DRD3: variants seen among roughly 807,000 people sequenced by gnomAD.
DRD3 encodes dopamine receptor D3.
In DRD3, 19 loss-of-function variants were observed where a neutral mutation model predicts 36.3. The ratio of observed to expected loss-of-function variants is 0.52; its 90% confidence interval spans 0.36 to 0.77. The LOEUF (loss-of-function observed/expected upper bound fraction) is 0.77. Among genes scored for constraint, DRD3 ranks in the 30% least tolerant of loss-of-function variants. The probability of loss-of-function intolerance (pLI) is 0.00; values close to 1 mark genes in which losing one functional copy is unlikely to be tolerated. For synonymous variants in DRD3, 195 were observed against 203.7 expected (o/e 0.96, Z 0.36); for missense variants, 465 against 505.3 (o/e 0.92, Z 0.77).
chr3:114,193,290 GACAACA>G (rs201054154), intron 1 of DRD3, among the ~76,000 whole-genome samples: 24 of 125,616 alleles, frequency 1.9e-4, no homozygotes, highest in South Asian at 5.8e-4. Context: ...AAACAACAAC[GACAACA>G]ACAACAACAA....
chr3:114,195,105 G>T (rs913773262), intron 1 of DRD3, among the ~76,000 whole-genome samples: 1 of 152,128 alleles, frequency 6.6e-6, no homozygotes, highest in Admixed American at 6.6e-5. Flanking sequence ...TAGGCCTTTT[G>T]GGGAACAGGG....
At chr3:114,197,276 A>ATTTTTTT (rs2078042641) in intron 1 of DRD3, among the ~76,000 whole-genome samples, 1 of 131,552 alleles carries the variant, frequency 7.6e-6, no homozygotes, top group Non-Finnish European at 1.6e-5. Flanking sequence ...TAATTAAAAA[A>ATTTTTTT]ATTTTTTTTT....
intron 6 of DRD3, among the ~76,000 whole-genome samples, chr3:114,129,626 G>A (rs900714363): frequency 7.9e-5 from 12 of 152,210 alleles, no homozygotes; most frequent in African/African-American, 2.9e-4. Context: ...TGCTGTTGAG[G>A]AGATTACATC....
intron 5 of DRD3, 45 bp from the exon 6 acceptor site, chr3:114,131,445 G>T (rs1364639506): frequency 5.7e-6 from 9 of 1,577,680 alleles, no homozygotes; most frequent in African/African-American, 2.7e-5. Flanking sequence ...TGGGGGTATT[G>T]TTTATCTTCT....
intron 5 of DRD3, among the ~76,000 whole-genome samples, chr3:114,138,168 CAAAA>C (rs35536800): frequency 2.7e-5 from 2 of 74,098 alleles, no homozygotes; most frequent in Non-Finnish European, 2.6e-5. Context: ...GACTCTGTCT[CAAAA>C]AAAAAAAAAA....
At chr3:114,171,091 A>G (rs546840855) in intron 2 of DRD3, among the ~76,000 whole-genome samples, 1 of 152,326 alleles carries the variant, frequency 6.6e-6, no homozygotes, top group East Asian at 1.9e-4. Flanking sequence ...CTGCTGCACT[A>G]TCTCTCTGGC....
upstream of DRD3, among the ~76,000 whole-genome samples, chr3:114,180,340 T>C (rs1003141046): frequency 2.6e-5 from 4 of 152,166 alleles, no homozygotes; most frequent in Non-Finnish European, 5.9e-5. Context: ...GTTGAAGCCC[T>C]AACCTTAGAA....
upstream of DRD3, among the ~76,000 whole-genome samples, chr3:114,182,947 A>G (rs2077956000): frequency 6.6e-6 from 1 of 152,242 alleles, no homozygotes; most frequent in South Asian, 2.1e-4. Flanking sequence ...TGACACTGCT[A>G]TGAACATAGG....
chr3:114,196,944 TAATA>T (rs2078038160), intron 1 of DRD3, among the ~76,000 whole-genome samples: 1 of 151,734 alleles, frequency 6.6e-6, no homozygotes, highest in African/African-American at 2.4e-5. Context: ...TTTATGCACC[TAATA>T]GTCTTTTTTA....
intron 2 of DRD3, among the ~76,000 whole-genome samples, chr3:114,163,730 T>C (rs909594720): frequency 6.6e-5 from 10 of 152,176 alleles, no homozygotes; most frequent in African/African-American, 2.2e-4. Flanking sequence ...GAAACAAACC[T>C]GTTTTTGTTC....
chr3:114,135,783 G>A (rs1253147794), intron 5 of DRD3, among the ~76,000 whole-genome samples: 1 of 152,002 alleles, frequency 6.6e-6, no homozygotes, highest in African/African-American at 2.4e-5. Context: ...TTTGCTTCCT[G>A]GGTTAGAGTG....
intron 1 of DRD3, among the ~76,000 whole-genome samples, chr3:114,188,419 C>T (rs1415429350): frequency 6.6e-6 from 1 of 151,960 alleles, no homozygotes; most frequent in Non-Finnish European, 1.5e-5. Flanking sequence ...ACCATGTTGC[C>T]CAGGCTGGCC....
At chr3:114,156,740 TCTTTTTCTTTCTTTCTTTC>T (rs1197864559) in intron 3 of DRD3, among the ~76,000 whole-genome samples, 2 of 10,298 alleles carry the variant, frequency 1.9e-4, no homozygotes, top group Non-Finnish European at 4.0e-4. Flanking sequence ...TTTCTTTCTT[TCTTTTTCTTTCTTTCTTTC>T]TTTCTTTCTT....
At chr3:114,183,306 C>CT (rs1475692836), upstream of DRD3, among the ~76,000 whole-genome samples, 1 of 152,150 alleles carries the variant, frequency 6.6e-6, no homozygotes, top group African/African-American at 2.4e-5. Context: ...TGACATTTGT[C>CT]TTTTAAAATC....
At chr3:114,142,152 G>A (rs559834925) in intron 4 of DRD3, among the ~76,000 whole-genome samples, 1 of 152,234 alleles carries the variant, frequency 6.6e-6, no homozygotes, top group South Asian at 2.1e-4. Context: ...TGATGGAGTT[G>A]GGGAGAGGGA....
chr3:114,141,692 G>A (rs1472420133), intron 4 of DRD3, among the ~76,000 whole-genome samples: 1 of 152,160 alleles, frequency 6.6e-6, no homozygotes, highest in Non-Finnish European at 1.5e-5. Context: ...GTTCTCTGAA[G>A]AGGAGGTAAA....
At chr3:114,155,455 G>A (rs1255717570) in intron 3 of DRD3, among the ~76,000 whole-genome samples, 1 of 152,146 alleles carries the variant, frequency 6.6e-6, no homozygotes, top group African/African-American at 2.4e-5. Flanking sequence ...TCCTATATGG[G>A]ACAGAAGCCA....
chr3:114,147,524 C>G lies in DRD3; in HGVS notation c.417G>C (p.Gln139His), dbSNP rs1386212624. ...GACAGGAGCTCTGTCCCGTGCCATG[C>G]TGGTAGTGAACGGGCATGACCACTG... ...YTAVVMPVHY[Q>H]HGTGQSSCRR... Residue 139 changes from glutamine to histidine, a missense_variant, in exon 4 of 7, where the codon CAG (glutamine) becomes CAC (histidine). Physicochemically the swap from Gln to His is conservative, Grantham distance 24. Transcript: ENST00000383673. 1.9e-6 allele frequency: 3 copies of G among 1,613,954 alleles called. No individual in the cohort carries two copies. In the East Asian group the frequency reaches 6.7e-5, roughly 36 times the overall value.
At chr3:114,177,335 C>T (rs904376013) in intron 1 of DRD3, among the ~76,000 whole-genome samples, 4 of 152,068 alleles carry the variant, frequency 2.6e-5, no homozygotes, top group Non-Finnish European at 5.9e-5. Context: ...TGTATTTGGG[C>T]ACATTTACAT....
Sources: allele counts gnomAD v4.1 joint callset (sites outside exome capture counted in the v4.1 genomes callset), GRCh38; gene constraint gnomAD v4.1.1; transcripts MANE v1.5; gene names NCBI Gene and HGNC (gene_info 2026-07-23, HGNC 2026-07-21).